ZC3H7B: variants seen among roughly 807,000 people sequenced by gnomAD.
ZC3H7B encodes the protein zinc finger CCCH domain-containing protein 7B.
Under a neutral mutation model 116.0 loss-of-function variants are expected in ZC3H7B, and 35 were observed. The observed-to-expected ratio is 0.30, with a 90% confidence interval of 0.23 to 0.40. ZC3H7B has a LOEUF of 0.40. ZC3H7B is among the 10% of genes least tolerant of loss of function. The pLI is 1.00. For synonymous variants in ZC3H7B, 502 were observed against 545.6 expected (o/e 0.92, Z 1.11); for missense variants, 1,011 against 1,321.5 (o/e 0.77, Z 3.64).
chr22:41,356,820 AG>A lies in ZC3H7B; in HGVS notation c.2681+15del. 1 of 1,612,942 alleles carries A rather than the reference AG, an allele frequency of 6.2e-7. No homozygotes were observed. Among genetic ancestry groups the A allele is most frequent in the Non-Finnish European group, 8.5e-7 (1 of 1,179,822 alleles). ...CGGCTCTGCGACAGGTGCTCCTGGGAGGGCAGGGCCTGGCGGGACATGGGGT... is the reference window on the plus strand; with the variant it reads ...CGGCTCTGCGACAGGTGCTCCTGGGAGGCAGGGCCTGGCGGGACATGGGGT... On this transcript the variant is annotated intron_variant, in intron 22 of 22. Coordinates refer to ENST00000352645, the MANE Select transcript of ZC3H7B (RefSeq NM_017590.6).
chr22:41,321,494 C>T (rs1056565358), intron 2 of ZC3H7B, among the ~76,000 whole-genome samples: 12 of 152,078 alleles, frequency 7.9e-5, no homozygotes, highest in Middle Eastern at 3.4e-3. Context: ...GGATTACAGG[C>T]GTGAGCCACC....
At chr22:41,332,324 AG>A in intron 7 of ZC3H7B, 97 bp downstream of exon 7, 1 of 1,463,352 alleles carries the variant, frequency 6.8e-7, no homozygotes, top group Non-Finnish European at 9.6e-7. Context: ...CAGTGGGTCC[AG>A]GGGCCTCCGC....
intron 13 of ZC3H7B, among the ~76,000 whole-genome samples, chr22:41,345,581 A>G (rs2036573974): frequency 6.6e-6 from 1 of 152,156 alleles, no homozygotes; most frequent in Non-Finnish European, 1.5e-5. Context: ...GCAAAACTCC[A>G]TCTCAAAAAA....
chr22:41,345,901 G>A, intron 13 of ZC3H7B, 102 bp from the exon 14 acceptor site: 2 of 1,230,510 alleles, frequency 1.6e-6, no homozygotes, highest in Non-Finnish European at 2.4e-6. Flanking sequence ...AGCCCTGCCT[G>A]GCTCATGGGG....
rs571100424 is a variant in ZC3H7B, at chr22:41,339,631, A to G, written c.817-185A>G. 2.0e-5 allele frequency among the ~76,000 whole-genome samples: 3 copies of G among 151,670 alleles called. No homozygotes were observed. In the South Asian group the frequency reaches 6.3e-4, roughly 32 times the overall value. On this transcript the variant is annotated intron_variant, in intron 9 of 22. Coordinates refer to ENST00000352645, the MANE Select transcript of ZC3H7B (RefSeq NM_017590.6). Reference sequence around the variant, plus strand: ...GTGGAGCAAGACTCCGTCTCAAAAAAAAAAAAAGAAATGAAGCTGCACAAT... The same window carrying G: ...GTGGAGCAAGACTCCGTCTCAAAAAGAAAAAAAGAAATGAAGCTGCACAAT...
At chr22:41,305,878 C>T (rs897382024) in intron 1 of ZC3H7B, among the ~76,000 whole-genome samples, 2 of 152,214 alleles carry the variant, frequency 1.3e-5, no homozygotes, top group African/African-American at 4.8e-5. Flanking sequence ...GCCCCAGAGG[C>T]GGTGCCAGGA....
At chr22:41,332,360 C>A in intron 7 of ZC3H7B, 133 bp downstream of exon 7, 1 of 1,089,146 alleles carries the variant, frequency 9.2e-7, no homozygotes, top group Non-Finnish European at 1.4e-6. Context: ...CCTCCCGTGT[C>A]CACGGGGGCA....
At chr22:41,322,272 C>T (rs1305970196) in intron 2 of ZC3H7B, among the ~76,000 whole-genome samples, 1 of 151,984 alleles carries the variant, frequency 6.6e-6, no homozygotes, top group African/African-American at 2.4e-5. Flanking sequence ...ACTGCAACCT[C>T]CACCTCCCAG....
At chr22:41,303,462 T>C (rs565525576) in intron 1 of ZC3H7B, among the ~76,000 whole-genome samples, 3 of 152,306 alleles carry the variant, frequency 2.0e-5, no homozygotes, top group Non-Finnish European at 2.9e-5. Flanking sequence ...AGATGTCGGT[T>C]GAGACATGGA....
At position 41,358,138 on chromosome 22, in the gene ZC3H7B, A is replaced by C. The variant is rs2036745535; in HGVS notation, c.*709A>C. The C allele has an allele frequency of 6.6e-6, 1 of 152,458 alleles. No individual in the cohort carries two copies. Among genetic ancestry groups the C allele is most frequent in the Non-Finnish European group, 1.5e-5 (1 of 68,272 alleles). The allele number at this position is 152,458 out of a possible 1,614,324, so 9.4% of individuals were successfully genotyped here. A position where few individuals can be genotyped will look rare whatever the true frequency, so the allele number is the denominator to read the frequency against. Reference sequence around the variant, plus strand: ...CCAGCCCAAACCCCATTTTGCAGAGAGGAAAACTGAGGCCTAGAAGGGAGG... The same window carrying C: ...CCAGCCCAAACCCCATTTTGCAGAGCGGAAAACTGAGGCCTAGAAGGGAGG... On this transcript the variant is annotated 3_prime_UTR_variant, in exon 23 of 23. Coordinates refer to ENST00000352645, the MANE Select transcript of ZC3H7B (RefSeq NM_017590.6).
At chr22:41,301,970 A>T (rs1302717336) in intron 1 of ZC3H7B, among the ~76,000 whole-genome samples, 198 bp downstream of exon 1, 3 of 151,640 alleles carry the variant, frequency 2.0e-5, no homozygotes, top group Non-Finnish European at 4.4e-5. Flanking sequence ...CGTCTCTAAA[A>T]CCCCATTTGC....
intron 13 of ZC3H7B, 141 bp downstream of exon 13, chr22:41,343,717 C>T: frequency 8.3e-7 from 1 of 1,205,910 alleles, no homozygotes; most frequent in Admixed American, 3.1e-5. Flanking sequence ...ACGGCCTAGG[C>T]TCCTGGGGCC....
intron 6 of ZC3H7B, among the ~76,000 whole-genome samples, chr22:41,331,536 C>T (rs1383724108): frequency 1.6e-5 from 2 of 123,834 alleles, no homozygotes; most frequent in African/African-American, 6.4e-5. Flanking sequence ...GCCTGGGCAA[C>T]AGAGCGAGAC....
Position 41,338,225 on chromosome 22 carries a change from C to T in ZC3H7B, c.583-88C>T. On this transcript the variant is annotated intron_variant, in intron 7 of 22. Transcript: ENST00000352645. This position sits in a 1 kb window ranked among gnomAD's most constrained non-coding sequence, Gnocchi z 4.5. ...TAAGTGCTCCTCGGTGCTGGGTCAA[C>T]AGCATAGTCACGTGGGGAGGGGCTG... The T allele has an allele frequency of 6.3e-6, 9 of 1,422,146 alleles. No homozygotes were observed. In the South Asian group the frequency reaches 9.8e-5, roughly 15 times the overall value. 88.1% of individuals were successfully genotyped at this position (1,422,146 alleles called of 1,614,324 possible).
Position 41,327,412 on chromosome 22 carries a change from T to C in ZC3H7B, c.444+48T>C. ...GCCGGTGCCTGCTCAGAGGCCAGGC[T>C]TCTGACCTTCCGGCCCTCACTTGGG... On this transcript the variant is annotated intron_variant, in intron 5 of 22. Coordinates refer to ENST00000352645, the MANE Select transcript of ZC3H7B (RefSeq NM_017590.6). The surrounding 1 kb of genome is among the most constrained non-coding windows in gnomAD (Gnocchi z 4.5). 6.3e-7 allele frequency: 1 copy of C among 1,590,356 alleles called. No homozygotes were observed. The highest frequency in any genetic ancestry group is 2.2e-5 in the East Asian group (1 of 44,670).
chr22:41,320,797 T>G (rs1364201114), intron 2 of ZC3H7B, 84 bp downstream of exon 2: 3 of 1,576,694 alleles, frequency 1.9e-6, no homozygotes, highest in Non-Finnish European at 2.6e-6. Flanking sequence ...GCGCTCCCTT[T>G]TCTTGCTGCT....
rs545254700 is a variant in ZC3H7B at position 41,325,979 on chromosome 22, C to A, written c.285+61C>A. ...TGCCCTGATCCCCTGGATGCCCAGTCGAGCCAGGCCCATACCCCAGTGAGC... is the reference window on the plus strand; with the variant it reads ...TGCCCTGATCCCCTGGATGCCCAGTAGAGCCAGGCCCATACCCCAGTGAGC... On this transcript the variant is annotated intron_variant, in intron 4 of 22. Transcript: ENST00000352645. 2.6e-6 allele frequency: 4 copies of A among 1,532,462 alleles called. No homozygotes were observed. The South Asian group carries it at 3.7e-5, about 14-fold the overall frequency. The allele number at this position is 1,532,462 out of a possible 1,614,324, so 94.9% of individuals were successfully genotyped here. A position where few individuals can be genotyped will look rare whatever the true frequency, so the allele number is the denominator to read the frequency against.
At chr22:41,336,550 C>G (rs2036450383) in intron 7 of ZC3H7B, 1 of 152,034 alleles carries the variant, frequency 6.6e-6, no homozygotes, top group Non-Finnish European at 1.5e-5. Flanking sequence ...GTAGTCCCAG[C>G]TAGTCTGGAG....
rs894859447 is a variant in ZC3H7B at position 41,302,506 on chromosome 22, G to A, written c.-7+734G>A. Among the ~76,000 whole-genome samples, 31 of 152,130 alleles carry A rather than the reference G, an allele frequency of 2.0e-4. No homozygotes were observed. The highest frequency in any genetic ancestry group is 7.2e-4 in the African/African-American group (30 of 41,434). On this transcript the variant is annotated intron_variant, in intron 1 of 22. Coordinates refer to ENST00000352645, the MANE Select transcript of ZC3H7B (RefSeq NM_017590.6). This position sits in a 1 kb window ranked among gnomAD's most constrained non-coding sequence, Gnocchi z 5.7. ...GGAGTGCTAGGGGGCTGCGGACCCC[G>A]GCTCTGGCGCCTGGGGACGGGGGCG...
Sources: allele counts gnomAD v4.1 joint callset (sites outside exome capture counted in the v4.1 genomes callset), GRCh38; gene constraint gnomAD v4.1.1; non-coding constraint Gnocchi (gnomAD v3.1); transcripts MANE v1.5; gene names NCBI Gene and HGNC (gene_info 2026-07-23, HGNC 2026-07-21).